The following ANPEP variants were observed in gnomAD, a reference collection of about 807,000 sequenced individuals.
ANPEP encodes the protein alanyl aminopeptidase, membrane.
A neutral mutation model predicts 114.6 loss-of-function variants in ANPEP; 70 were observed. That is an observed-to-expected ratio of 0.61 (90% CI 0.50 to 0.75). The LOEUF is 0.75. ANPEP is among the 30% of genes least tolerant of loss of function. The pLI is 0.00. For missense variants in ANPEP, 1,184 were observed against 1,259.5 expected, an observed-to-expected ratio of 0.94 and a Z score of 0.91; for synonymous variants, 548 against 522.3, an observed-to-expected ratio of 1.05 and a Z score of -0.67.
rs1391987351 is a variant in ANPEP, at chr15:89,805,375, T to C, written c.703A>G (p.Ile235Val). The C allele has an allele frequency of 5.0e-6, 8 of 1,614,054 alleles. No individual in the cohort carries two copies. In the Admixed American group the frequency reaches 1.3e-4, roughly 27 times the overall value. Residue 235 changes from isoleucine to valine, a missense_variant, in exon 3 of 21, where the codon ATC becomes GTC. Physicochemically the swap from Ile to Val is conservative, Grantham distance 29. Transcript: ENST00000300060. ...DEPAMKAEFN[I>V]TLIHPKDLTA... ...AGGTCCTTGGGGTGGATAAGCGTGA[T>C]GTTGAACTCGGCCTTCATGGCCGGC... is the stretch of plus-strand genomic sequence containing the variant.
rs971671387 is a variant in ANPEP at position 89,803,137 on chromosome 15, C to T, written c.1569+102G>A. 10 of 1,337,806 alleles carry T rather than the reference C, an allele frequency of 7.5e-6. No homozygotes were observed. The highest frequency in any genetic ancestry group is 1.2e-5 in the South Asian group (1 of 83,426). The allele number at this position is 1,337,806 out of a possible 1,614,324, so 82.9% of individuals were successfully genotyped here. A position where few individuals can be genotyped will look rare whatever the true frequency, so the allele number is the denominator to read the frequency against. ...CATCCACCCTGCAGGGCTGGTCAGC[C>T]GCGGAGCTGGACCCATTCTCTTACG... On this transcript the variant is annotated intron_variant, in intron 10 of 20. Coordinates refer to ENST00000300060, the MANE Select transcript of ANPEP (RefSeq NM_001150.3). The surrounding 1 kb of genome is among the most constrained non-coding windows in gnomAD (Gnocchi z 4.2).
chr15:89,800,856 G>A (rs1279129910), intron 12 of ANPEP, among the ~76,000 whole-genome samples: 4 of 152,098 alleles, frequency 2.6e-5, no homozygotes, highest in Non-Finnish European at 5.9e-5. Flanking sequence ...CCTGGCCTAG[G>A]ATTCTCTCCT....
intron 15 of ANPEP, among the ~76,000 whole-genome samples, chr15:89,795,151 A>G (rs1968705217): frequency 1.3e-5 from 2 of 152,166 alleles, no homozygotes; most frequent in Admixed American, 1.3e-4. Flanking sequence ...CTGAGAGTGA[A>G]GAGAAGATAT....
In ANPEP at chr15:89,806,512, G is replaced by A. The variant is rs761090146; in HGVS notation, c.72C>T (p.Cys24=). 1.2e-6 allele frequency: 2 copies of A among 1,613,812 alleles called. No individual in the cohort carries two copies. Among genetic ancestry groups the A allele is most frequent in the Admixed American group, 1.7e-5 (1 of 59,996 alleles). Residue 24 remains cysteine (C), a synonymous_variant, in exon 2 of 21, where the codon TGC becomes TGT. Coordinates refer to ENST00000300060, the MANE Select transcript of ANPEP (RefSeq NM_001150.3). This position sits in a 1 kb window ranked among gnomAD's most constrained non-coding sequence, Gnocchi z 5.7. The part of the protein sequence containing the change: ...LGILLGVAAV[C]TIIALSVVYS... ...ACACCACTGACAGTGCGATGATTGT[G>A]CACACGGCTGCCACGCCCAGGAGGA... is the stretch of plus-strand genomic sequence containing the variant.
rs1446176036 is a variant in ANPEP, at chr15:89,806,074, C to A, written c.510G>T (p.Leu170=). Residue 170 remains leucine (L), a synonymous_variant, in exon 2 of 21, where the codon CTG becomes CTT. Transcript: ENST00000300060. The surrounding 1 kb of genome is among the most constrained non-coding windows in gnomAD (Gnocchi z 5.7). ...CCATCTCATACTGGCTGTCCTTCACCAGGGAGCCCTTGAGGTGCACCACCA... is the reference window on the plus strand; with the variant it reads ...CCATCTCATACTGGCTGTCCTTCACAAGGGAGCCCTTGAGGTGCACCACCA... ...EYLVVHLKGS[L]VKDSQYEMDS... is the part of the protein sequence containing the mutation. 1.2e-6 allele frequency: 2 copies of A among 1,614,020 alleles called. No homozygotes were observed. The highest frequency in any genetic ancestry group is 4.5e-5 in the East Asian group (2 of 44,868).
intron 14 of ANPEP, 71 bp from the exon 15 acceptor site, chr15:89,797,793 C>A (rs1394544006): frequency 5.6e-6 from 9 of 1,601,438 alleles, no homozygotes; most frequent in Non-Finnish European, 7.7e-6. Flanking sequence ...AACCCCAACC[C>A]AGGCCCTCAA....
intron 2 of ANPEP, 74 bp downstream of exon 2, chr15:89,805,896 T>C: frequency 6.5e-7 from 1 of 1,528,844 alleles, no homozygotes; most frequent in Non-Finnish European, 8.8e-7. Flanking sequence ...GCTAAGTCCT[T>C]CCTTGGCCCT....
chr15:89,812,796 C>T (rs1309105839), intron 1 of ANPEP, among the ~76,000 whole-genome samples: 1 of 152,154 alleles, frequency 6.6e-6, no homozygotes, highest in Non-Finnish European at 1.5e-5. Flanking sequence ...TAGTTAGCAG[C>T]AGGTTCCACA....
chr15:89,799,515 G>T lies in ANPEP; in HGVS notation c.1864C>A (p.Leu622Met), dbSNP rs1894542047. ...TAATAGCCCGTCACATTGAGGTTCA[G>T]CAGGACCCACTCATTGCCTGATGTG... ...FSTSGNEWVL[L>M]NLNVTGYYRV... is the part of the protein sequence containing the mutation. Residue 622 changes from leucine to methionine, a missense_variant, in exon 13 of 21, where the codon CTG becomes ATG. Physicochemically the swap from Leu to Met is conservative, Grantham distance 15. Coordinates refer to ENST00000300060, the MANE Select transcript of ANPEP (RefSeq NM_001150.3). The surrounding 1 kb of genome is among the most constrained non-coding windows in gnomAD (Gnocchi z 4.2). 3 of 1,614,078 alleles carry T rather than the reference G, an allele frequency of 1.9e-6. No homozygotes were observed. The highest frequency in any genetic ancestry group is 2.5e-6 in the Non-Finnish European group (3 of 1,180,042).
intron 18 of ANPEP, among the ~76,000 whole-genome samples, chr15:89,791,566 T>A (rs1023643038): frequency 5.3e-5 from 8 of 151,070 alleles, no homozygotes; most frequent in African/African-American, 1.7e-4. Flanking sequence ...GCCTCCCGGG[T>A]AGCTGGGATT....
chr15:89,790,165 C>T (rs1255086933), intron 20 of ANPEP, among the ~76,000 whole-genome samples: 3 of 152,000 alleles, frequency 2.0e-5, no homozygotes, highest in Non-Finnish European at 4.4e-5. Context: ...TAAAAATTGC[C>T]CGCCCGGAAA....
In ANPEP at chr15:89,799,612, C is replaced by T; in HGVS notation, c.1820-53G>A. On this transcript the variant is annotated intron_variant, in intron 12 of 20. Transcript: ENST00000300060. The surrounding 1 kb of genome is among the most constrained non-coding windows in gnomAD (Gnocchi z 4.2). ...GGCTGCTCAGAGGCCATGGGCTGACCCCTGGACCTCTTGCAAGAGCAGCTG... is the reference window on the plus strand; with the variant it reads ...GGCTGCTCAGAGGCCATGGGCTGACTCCTGGACCTCTTGCAAGAGCAGCTG... The T allele has an allele frequency of 6.2e-7, 1 of 1,608,452 alleles. No individual in the cohort carries two copies. The highest frequency in any genetic ancestry group is 1.1e-5 in the South Asian group (1 of 90,848).
intron 2 of ANPEP, 76 bp from the exon 3 acceptor site, chr15:89,805,539 G>T: frequency 6.4e-7 from 1 of 1,566,376 alleles, no homozygotes. Flanking sequence ...TACCAGGCAT[G>T]CAGGGAAAGG....
At chr15:89,801,983 G>T (rs1291029567) in intron 10 of ANPEP, among the ~76,000 whole-genome samples, 2 of 152,146 alleles carry the variant, frequency 1.3e-5, no homozygotes, top group Admixed American at 6.5e-5. Context: ...AGGCAGGGGT[G>T]GGGGACGGGG....
intron 20 of ANPEP, 35 bp from the exon 21 acceptor site, chr15:89,785,536 G>T: frequency 6.5e-7 from 1 of 1,548,446 alleles, no homozygotes. Flanking sequence ...AGTCCGGCTG[G>T]GTCCCTAACA....
At position 89,801,030 on chromosome 15, in the gene ANPEP, C is replaced by T. The variant is rs879249562; in HGVS notation, c.1819+81G>A. On this transcript the variant is annotated intron_variant, in intron 12 of 20. Coordinates refer to ENST00000300060, the MANE Select transcript of ANPEP (RefSeq NM_001150.3). ...CAAGTCCATTTGTTGAATGGAATGG[C>T]CCATCACAGCCCTCAGAACATGGGC... 3.3e-6 allele frequency: 4 copies of T among 1,224,010 alleles called. No homozygotes were observed. The South Asian group carries it at 5.0e-5, about 15-fold the overall frequency. The allele number at this position is 1,224,010 out of a possible 1,614,324, so 75.8% of individuals were successfully genotyped here.
chr15:89,803,613 T>C lies in ANPEP; in HGVS notation c.1437+34A>G. 1 of 1,603,792 alleles carries C rather than the reference T, an allele frequency of 6.2e-7. No homozygotes were observed. Among genetic ancestry groups the C allele is most frequent in the Non-Finnish European group, 8.5e-7 (1 of 1,174,214 alleles). ...GGCCCCTCCAGGCCAAGTCCCCACC[T>C]CCTTCCCCGTGCCCCACGAGGAGCG... On this transcript the variant is annotated intron_variant, in intron 8 of 20. Coordinates refer to ENST00000300060, the MANE Select transcript of ANPEP (RefSeq NM_001150.3). This position sits in a 1 kb window ranked among gnomAD's most constrained non-coding sequence, Gnocchi z 4.2.
Position 89,804,304 on chromosome 15 carries a change from G to T in ANPEP, c.1128C>A (p.Ser376Arg), listed in dbSNP as rs763610042. The change falls in exon 6 of 21, where the codon AGC (serine) becomes AGA (arginine). Residue 376 changes from serine (S) to arginine (R), a missense_variant. By Grantham distance (110) the Ser-to-Arg change is moderately radical. Transcript: ENST00000300060. The part of the protein sequence containing the change: ...SLLFDPLSSS[S>R]SNKERVVTVI... ...CAGTGACCACCCGCTCCTTGTTGCT[G>T]CTGGAGGAGGACAGGGGGTCGAACA... 9.3e-6 allele frequency: 15 copies of T among 1,614,086 alleles called. No homozygotes were observed. In the East Asian group the frequency reaches 3.3e-4, roughly 36 times the overall value.
At chr15:89,814,408 G>T (rs1278921798) in intron 1 of ANPEP, among the ~76,000 whole-genome samples, 1 of 151,884 alleles carries the variant, frequency 6.6e-6, no homozygotes, top group Non-Finnish European at 1.5e-5. Flanking sequence ...GAGTGGCCGC[G>T]GCCGAGCCGG....
Sources: allele counts gnomAD v4.1 joint callset (sites outside exome capture counted in the v4.1 genomes callset), GRCh38; gene constraint gnomAD v4.1.1; non-coding constraint Gnocchi (gnomAD v3.1); transcripts MANE v1.5; gene names NCBI Gene and HGNC (gene_info 2026-07-23, HGNC 2026-07-21).